The following SLC25A35 variants were observed in gnomAD, a reference collection of about 807,000 sequenced individuals.
SLC25A35 encodes solute carrier family 25 member 35.
A neutral mutation model predicts 30.5 loss-of-function variants in SLC25A35; 32 were observed. That is an observed-to-expected ratio of 1.05 (90% CI 0.79 to 1.41). SLC25A35 has a LOEUF of 1.41. SLC25A35 is among the 40% of genes most tolerant of loss of function. The pLI, the probability that SLC25A35 is intolerant of heterozygous loss-of-function variation, is 0.00. For synonymous variants in SLC25A35, 142 were observed against 158.1 expected (o/e 0.90, Z 0.77); for missense variants, 369 against 388.0 (o/e 0.95, Z 0.41).
intron 3 of SLC25A35, 130 bp from the exon 4 acceptor site, chr17:8,291,106 C>T: frequency 7.3e-7 from 1 of 1,369,048 alleles, no homozygotes; most frequent in Non-Finnish European, 9.9e-7. Context: ...TATAACAGTG[C>T]AAAAACAGTG....
chr17:8,288,984 G>T (rs1990256573), downstream of SLC25A35: 1 of 1,614,174 alleles, frequency 6.2e-7, no homozygotes, highest in Non-Finnish European at 8.5e-7. Context: ...GGACAATCAA[G>T]AAGTTTTCTG....
intron 1 of SLC25A35, 135 bp downstream of exon 1, chr17:8,294,298 T>C: frequency 1.1e-6 from 1 of 893,880 alleles, no homozygotes; most frequent in South Asian, 1.8e-5. Context: ...CTCCGAAGCC[T>C]ACCAGCACTT....
downstream of SLC25A35, chr17:8,288,317 G>A (rs1990212089): frequency 1.1e-5 from 2 of 175,802 alleles, no homozygotes; most frequent in Non-Finnish European, 2.5e-5. Context: ...GCGTGGTGGC[G>A]GGAGCAGGAG....
In SLC25A35 at chr17:8,295,031, T is replaced by C. The variant is rs552263770; in HGVS notation, c.-224A>G. 3.4e-5 allele frequency: 46 copies of C among 1,356,898 alleles called. 1 individual carries two copies. The African/African-American group carries it at 6.1e-4, about 18-fold the overall frequency. The allele number at this position is 1,356,898 out of a possible 1,614,324, so 84.1% of individuals were successfully genotyped here. ...GGCAAGCAGGGAAGAGATAGAAATC[T>C]AGGAGATTCTGGTGAGAAGCTTAAG... On this transcript the variant is annotated 5_prime_UTR_variant, in exon 1 of 5. Coordinates refer to ENST00000577745, the MANE Select transcript of SLC25A35 (RefSeq NM_001320870.2).
In SLC25A35 at chr17:8,294,679, G is replaced by A; in HGVS notation, c.129C>T (p.Tyr43=). The A allele has an allele frequency of 1.9e-6, 3 of 1,614,198 alleles. No homozygotes were observed. The highest frequency in any genetic ancestry group is 2.7e-5 in the African/African-American group (2 of 75,050). The change falls in exon 1 of 5, where the codon TAC becomes TAT. Residue 43 remains tyrosine (Y), a synonymous_variant. Transcript: ENST00000577745. ...LQAPGTYQRH[Y]RNVFHAFITI... Reference sequence around the variant, plus strand: ...TGATGAAGGCATGGAAGACATTTCGGTAGTGCCGCTGGTATGTGCCAGGGG... The same window carrying A: ...TGATGAAGGCATGGAAGACATTTCGATAGTGCCGCTGGTATGTGCCAGGGG...
chr17:8,293,578 GTC>G (rs1219641632), intron 1 of SLC25A35, among the ~76,000 whole-genome samples: 3 of 145,162 alleles, frequency 2.1e-5, no homozygotes, highest in African/African-American at 5.1e-5. Context: ...TTGAGACGGA[GTC>G]TCTCTCTCTG....
downstream of SLC25A35, chr17:8,287,818 G>A (rs1990197068): frequency 6.6e-6 from 1 of 151,610 alleles, no homozygotes; most frequent in African/African-American, 2.4e-5. Context: ...GTGTGGAGCT[G>A]GGGGTGGGGT....
chr17:8,293,793 C>T (rs541409679), intron 1 of SLC25A35, among the ~76,000 whole-genome samples: 1 of 150,470 alleles, frequency 6.6e-6, no homozygotes, highest in African/African-American at 2.4e-5. Context: ...CCTCGTGATC[C>T]GCCCGCCTCG....
At position 8,290,161 on chromosome 17, in the gene SLC25A35, C is replaced by G. The variant is rs555956445; in HGVS notation, c.*344G>C. ...CCTGGGAATTGGGTCTCTCGATTCCCTTTGGTTTTGGAGGGAGGAGTTTAA... is the reference window on the plus strand; with the variant it reads ...CCTGGGAATTGGGTCTCTCGATTCCGTTTGGTTTTGGAGGGAGGAGTTTAA... On this transcript the variant is annotated 3_prime_UTR_variant, in exon 5 of 5. Transcript: ENST00000577745. The G allele has an allele frequency of 3.5e-6, 5 of 1,437,066 alleles. No individual in the cohort carries two copies. The South Asian group carries it at 7.6e-5, about 22-fold the overall frequency. The allele number at this position is 1,437,066 out of a possible 1,614,324, so 89.0% of individuals were successfully genotyped here. A position where few individuals can be genotyped will look rare whatever the true frequency, so the allele number is the denominator to read the frequency against.
chr17:8,292,477 A>C (rs747236873), intron 2 of SLC25A35, 46 bp downstream of exon 2: 1 of 1,585,226 alleles, frequency 6.3e-7, no homozygotes, highest in South Asian at 1.1e-5. Context: ...GCTAGGGGAA[A>C]AGAGAAAGGA....
chr17:8,290,014 G>A (rs775982750), downstream of SLC25A35: 11 of 1,606,242 alleles, frequency 6.8e-6, no homozygotes, highest in African/African-American at 1.3e-5. Context: ...TTGAAAAGAG[G>A]GTTTCCTCTT....
rs1990743954 is a variant in SLC25A35 at position 8,294,620 on chromosome 17, T to TG, written c.187dup (p.Gln63ProfsTer26). On this transcript the variant is annotated frameshift_variant, in exon 1 of 5. Transcript: ENST00000577745. LOFTEE classifies it high-confidence loss of function. ...CAAGAGGGCGGGGGCCAGGCCTTTC[T>TG]GCAGGGCAGCAAGGCCATCCACCTT... The TG allele has an allele frequency of 6.8e-6, 11 of 1,614,184 alleles. No individual in the cohort carries two copies. In the East Asian group the frequency reaches 2.5e-4, roughly 36 times the overall value.
intron 3 of SLC25A35, 106 bp downstream of exon 3, chr17:8,291,227 C>T: frequency 6.6e-7 from 1 of 1,511,324 alleles, no homozygotes; most frequent in Non-Finnish European, 9.0e-7. Context: ...CCTCCTGCCA[C>T]TCCCTCACCT....
At chr17:8,292,355 T>C (rs1990572243) in intron 2 of SLC25A35, among the ~76,000 whole-genome samples, 168 bp downstream of exon 2, 1 of 152,102 alleles carries the variant, frequency 6.6e-6, no homozygotes, top group South Asian at 2.1e-4. Context: ...CGAGACTCCA[T>C]CTAAAAAAAG....
In SLC25A35 at chr17:8,294,683, T is replaced by A; in HGVS notation, c.125A>T (p.His42Leu). The change falls in exon 1 of 5, where the codon CAC (histidine) becomes CTC (leucine). Residue 42 changes from histidine to leucine, a missense_variant. By Grantham distance (99) the His-to-Leu change is moderately conservative. Transcript: ENST00000577745. ...GAAGGCATGGAAGACATTTCGGTAG[T>A]GCCGCTGGTATGTGCCAGGGGCCTG... The part of the protein sequence containing the change: ...ELQAPGTYQR[H>L]YRNVFHAFIT... The A allele has an allele frequency of 6.2e-7, 1 of 1,614,190 alleles. No individual in the cohort carries two copies. The highest frequency in any genetic ancestry group is 1.1e-5 in the South Asian group (1 of 91,092).
At position 8,292,320 on chromosome 17, in the gene SLC25A35, A is replaced by G. The variant is rs191647349; in HGVS notation, c.441+203T>C. ...GTTGCAGTGAGCCGAGATCGTGCCA[A>G]TGCACTTCAGCCTGGGCAACAGAGC... is the stretch of plus-strand genomic sequence containing the variant. On this transcript the variant is annotated intron_variant, in intron 2 of 4. Coordinates refer to ENST00000577745, the MANE Select transcript of SLC25A35 (RefSeq NM_001320870.2). Among the ~76,000 whole-genome samples the G allele has an allele frequency of 3.4e-3, 519 of 152,168 alleles. 8 individuals carry two copies. The highest frequency in any genetic ancestry group is 0.012 in the African/African-American group (493 of 41,520).
At chr17:8,289,853 C>A, downstream of SLC25A35, 1 of 1,614,168 alleles carries the variant, frequency 6.2e-7, no homozygotes, top group African/African-American at 1.3e-5. Context: ...AAATCTGTCA[C>A]CTGCACCCTG....
rs1436657379 is a variant in SLC25A35 at position 8,290,918 on chromosome 17, G to T, written c.653C>A (p.Ala218Glu). 5 of 1,613,992 alleles carry T rather than the reference G, an allele frequency of 3.1e-6. No homozygotes were observed. In the African/African-American group the frequency reaches 6.7e-5, roughly 22 times the overall value. The change falls in exon 4 of 5, where the codon GCA becomes GAA. Residue 218 changes from alanine (A) to glutamate (E), a missense_variant. Ala to Glu is a moderately radical substitution (Grantham distance 107). Transcript: ENST00000577745. ...AAAGGGTGCCATGGCCAAGACAACTGCAATGCCACTCATCATGGCAGCCAC... is the reference window on the plus strand; with the variant it reads ...AAAGGGTGCCATGGCCAAGACAACTTCAATGCCACTCATCATGGCAGCCAC... ...ALVAAMMSGIAVVLAMAPFDV... is the reference protein window; with the variant it reads ...ALVAAMMSGIEVVLAMAPFDV...
At chr17:8,289,946 A>C, downstream of SLC25A35, 1 of 1,614,198 alleles carries the variant, frequency 6.2e-7, no homozygotes, top group Non-Finnish European at 8.5e-7. Flanking sequence ...AAGGCGCTGA[A>C]GCACTGCATG....
Sources: gnomAD v4.1 joint callset for allele counts (sites outside exome capture counted in the v4.1 genomes callset) on GRCh38, gnomAD v4.1.1 for gene constraint, MANE v1.5 for transcripts, NCBI Gene and HGNC (gene_info 2026-07-23, HGNC 2026-07-21) for gene names.